Variants in FMNL2 observed in about 807,000 individuals in gnomAD.
FMNL2 encodes formin-like protein 2.
A neutral mutation model predicts 130.2 loss-of-function variants in FMNL2; 51 were observed. The observed-to-expected ratio is 0.39, with a 90% confidence interval of 0.31 to 0.49. FMNL2 has a LOEUF of 0.49. FMNL2 is among the 20% of genes least tolerant of loss of function. The pLI, the probability that FMNL2 is intolerant of heterozygous loss-of-function variation, is 0.85. For missense variants in FMNL2, 977 were observed against 1,316.2 expected (o/e 0.74, Z 3.99); for synonymous variants, 465 against 467.1 (o/e 1.00, Z 0.06).
intron 10 of FMNL2, among the ~76,000 whole-genome samples, chr2:152,609,378 T>C (rs1399898268): frequency 6.6e-6 from 1 of 152,236 alleles, no homozygotes; most frequent in African/African-American, 2.4e-5. Context: ...CTCCAGAATA[T>C]GAGGCTTTTG....
chr2:152,598,192 C>T (rs1432727235), intron 9 of FMNL2, among the ~76,000 whole-genome samples: 3 of 152,180 alleles, frequency 2.0e-5, no homozygotes, highest in East Asian at 1.9e-4. Flanking sequence ...AGAGAACATG[C>T]GATAACCCCT....
intron 1 of FMNL2, among the ~76,000 whole-genome samples, chr2:152,353,176 T>C (rs1682598622): frequency 6.6e-6 from 1 of 152,244 alleles, no homozygotes; most frequent in Admixed American, 6.5e-5. Context: ...ATATGTGTTA[T>C]GTTTATAATG....
At position 152,609,190 on chromosome 2, in the gene FMNL2, A is replaced by G. The variant is rs948032149; in HGVS notation, c.951+1777A>G. Among the ~76,000 whole-genome samples, 7 of 152,218 alleles carry G rather than the reference A, an allele frequency of 4.6e-5. 1 individual carries two copies. In the South Asian group the frequency reaches 1.0e-3, roughly 22 times the overall value. The stretch of plus-strand genomic sequence containing the variant: ...CCATTTTCTGTCAGTTCGTTTATTC[A>G]CATATACATGCAATGAGGTACCTTA... On this transcript the variant is annotated intron_variant, in intron 10 of 25. Coordinates refer to ENST00000288670, the MANE Select transcript of FMNL2 (RefSeq NM_052905.4).
intron 1 of FMNL2, among the ~76,000 whole-genome samples, chr2:152,504,408 G>A (rs967120834): frequency 6.6e-6 from 1 of 151,826 alleles, no homozygotes. Flanking sequence ...CACCACGACC[G>A]GCTAATTTTT....
At chr2:152,421,124 A>G (rs1686894638) in intron 1 of FMNL2, among the ~76,000 whole-genome samples, 1 of 152,106 alleles carries the variant, frequency 6.6e-6, no homozygotes, top group Non-Finnish European at 1.5e-5. Flanking sequence ...CCACCCTAAC[A>G]ACTCATTTCC....
intron 1 of FMNL2, among the ~76,000 whole-genome samples, chr2:152,483,881 G>GA (rs958360477): frequency 6.6e-6 from 1 of 152,146 alleles, no homozygotes; most frequent in Non-Finnish European, 1.5e-5. Context: ...TGGAGAGGGG[G>GA]AAAAAAACCC....
chr2:152,385,946 T>C (rs951379012), intron 1 of FMNL2, among the ~76,000 whole-genome samples: 1 of 152,236 alleles, frequency 6.6e-6, no homozygotes, highest in Admixed American at 6.5e-5. Flanking sequence ...TTTATCTTTC[T>C]TTCACCTCTC....
chr2:152,531,601 G>A (rs754084062), intron 2 of FMNL2, among the ~76,000 whole-genome samples: 13 of 151,590 alleles, frequency 8.6e-5, no homozygotes, highest in Non-Finnish European at 1.3e-4. Flanking sequence ...CCTGCCTCCC[G>A]AGTAGCTGGG....
chr2:152,424,412 A>G (rs1687075742), intron 1 of FMNL2, among the ~76,000 whole-genome samples: 1 of 137,692 alleles, frequency 7.3e-6, no homozygotes, highest in Non-Finnish European at 1.5e-5. Context: ...TTTTTTTGAG[A>G]TGTAGTCTCA....
At chr2:152,360,137 A>G (rs1026485555) in intron 1 of FMNL2, among the ~76,000 whole-genome samples, 4 of 152,216 alleles carry the variant, frequency 2.6e-5, no homozygotes, top group Non-Finnish European at 5.9e-5. Context: ...CAACTAAAGC[A>G]TAATAAAGGG....
intron 4 of FMNL2, among the ~76,000 whole-genome samples, chr2:152,549,849 G>A (rs10497103): frequency 0.027 from 4,064 of 152,248 alleles, 164 homozygotes; most frequent in African/African-American, 0.081. Flanking sequence ...AAGCACCTGC[G>A]TAACATTGGG....
At chr2:152,530,363 AAC>A (rs143717626) in intron 2 of FMNL2, among the ~76,000 whole-genome samples, 7 of 151,438 alleles carry the variant, frequency 4.6e-5, no homozygotes, top group Admixed American at 6.6e-5. Flanking sequence ...TTCACACACA[AAC>A]ACACACACAC....
At chr2:152,361,913 T>C (rs1683203275) in intron 1 of FMNL2, among the ~76,000 whole-genome samples, 1 of 152,212 alleles carries the variant, frequency 6.6e-6, no homozygotes, top group Admixed American at 6.5e-5. Flanking sequence ...ATATGACAAG[T>C]TACACTCAAT....
At chr2:152,406,925 A>G (rs1686014121) in intron 1 of FMNL2, among the ~76,000 whole-genome samples, 1 of 152,214 alleles carries the variant, frequency 6.6e-6, no homozygotes, top group Non-Finnish European at 1.5e-5. Context: ...AAAAGAAGAA[A>G]AAAGCTTCCT....
intron 1 of FMNL2, among the ~76,000 whole-genome samples, chr2:152,521,077 T>G (rs1693060895): frequency 6.6e-6 from 1 of 152,210 alleles, no homozygotes; most frequent in Non-Finnish European, 1.5e-5. Context: ...ACATGAGAAC[T>G]TTGGGGAGGC....
chr2:152,544,198 C>T (rs1224396927), intron 3 of FMNL2, among the ~76,000 whole-genome samples: 1 of 152,082 alleles, frequency 6.6e-6, no homozygotes, highest in African/African-American at 2.4e-5. Context: ...GGGTGGATCA[C>T]CTGAGGTCAG....
chr2:152,623,389 G>A (rs1681503438), intron 15 of FMNL2, among the ~76,000 whole-genome samples: 1 of 152,238 alleles, frequency 6.6e-6, no homozygotes, highest in Non-Finnish European at 1.5e-5. Context: ...GCTGTACGGT[G>A]AGGAATCTGA....
In FMNL2 at chr2:152,649,454, C is replaced by T. The variant is rs1683890862; in HGVS notation, c.*1549C>T. On this transcript the variant is annotated 3_prime_UTR_variant, in exon 26 of 26. Transcript: ENST00000288670. ...CCTACCACATTTCACTTTAGTGTAC[C>T]TATTTACAGAAAGATTAAACTGCCA... 1 of 152,406 alleles carries T rather than the reference C, an allele frequency of 6.6e-6. No individual in the cohort carries two copies. The allele number at this position is 152,406 out of a possible 1,614,324, so 9.4% of individuals were successfully genotyped here. A position where few individuals can be genotyped will look rare whatever the true frequency, so the allele number is the denominator to read the frequency against.
chr2:152,419,226 G>A (rs957350684), intron 1 of FMNL2, among the ~76,000 whole-genome samples: 2 of 152,058 alleles, frequency 1.3e-5, no homozygotes, highest in Admixed American at 1.3e-4. Context: ...ATGTAATGAT[G>A]TTTGAACTCA....
Sources: allele counts gnomAD v4.1 joint callset (sites outside exome capture counted in the v4.1 genomes callset), GRCh38; gene constraint gnomAD v4.1.1; transcripts MANE v1.5; gene names NCBI Gene and HGNC (gene_info 2026-07-23, HGNC 2026-07-21).